The following ZMIZ2 variants were observed in gnomAD, a reference collection of about 807,000 sequenced individuals.
ZMIZ2 encodes the protein zinc finger MIZ-type containing 2.
ZMIZ2 carries 26 observed loss-of-function variants against 93.9 expected under a neutral mutation model. That is an observed-to-expected ratio of 0.28 (90% CI 0.20 to 0.38). ZMIZ2 has a LOEUF of 0.38. Ranked by LOEUF, ZMIZ2 falls within the 10% of genes least tolerant of loss-of-function variation. ZMIZ2 has a pLI of 1.00. For synonymous variants in ZMIZ2, 485 were observed against 516.4 expected (o/e 0.94, Z 0.82); for missense variants, 1,023 against 1,235.0 (o/e 0.83, Z 2.57).
In ZMIZ2 at chr7:44,762,677, C is replaced by T. The variant is rs73329077; in HGVS notation, c.1597-204C>T. Among the ~76,000 whole-genome samples the T allele has an allele frequency of 6.7e-3, 1,015 of 152,326 alleles. 13 individuals are homozygous for T. The highest frequency in any genetic ancestry group is 0.023 in the African/African-American group (960 of 41,560). ...GATGGATACAAGCGTGGGCAGGGCG[C>T]TGAGGCCAGGAAAGGCAGCTGGATG... On this transcript the variant is annotated intron_variant, in intron 11 of 18. Coordinates refer to ENST00000309315, the MANE Select transcript of ZMIZ2 (RefSeq NM_031449.4).
chr7:44,754,066 T>C (rs1790381695), intron 1 of ZMIZ2, among the ~76,000 whole-genome samples: 1 of 152,208 alleles, frequency 6.6e-6, no homozygotes, highest in African/African-American at 2.4e-5. Flanking sequence ...ACAGTTTTGA[T>C]TACCATATCT....
At position 44,765,459 on chromosome 7, in the gene ZMIZ2, C is replaced by T; in HGVS notation, c.2122C>T (p.Pro708Ser). ...ACTGAAGCGCTGCCGCACCGTGAGC[C>T]CCGCCCACGTGCTCATGCCCAGCGT... ...PALKRCRTVS[P>S]AHVLMPSVME... The change falls in exon 16 of 19, where the codon CCC (proline) becomes TCC (serine). Residue 708 changes from proline (P) to serine (S), a missense_variant. By Grantham distance (74) the Pro-to-Ser change is moderately conservative. Coordinates refer to ENST00000309315, the MANE Select transcript of ZMIZ2 (RefSeq NM_031449.4). This position sits in a 1 kb window ranked among gnomAD's most constrained non-coding sequence, Gnocchi z 4.1. 6.2e-7 allele frequency: 1 copy of T among 1,605,856 alleles called. No individual in the cohort carries two copies. Among genetic ancestry groups the T allele is most frequent in the South Asian group, 1.1e-5 (1 of 91,078 alleles).
chr7:44,758,560 G>C (rs1386892064), intron 6 of ZMIZ2, among the ~76,000 whole-genome samples: 1 of 151,844 alleles, frequency 6.6e-6, no homozygotes, highest in African/African-American at 2.4e-5. Flanking sequence ...TGGATCACTT[G>C]AGATCAGGAG....
chr7:44,763,268 TCAG>T lies in ZMIZ2; in HGVS notation c.1720_1722del (p.Ser574del), dbSNP rs1791386952. 6.2e-7 allele frequency: 1 copy of T among 1,613,956 alleles called. No individual in the cohort carries two copies. The highest frequency in any genetic ancestry group is 8.5e-7 in the Non-Finnish European group (1 of 1,179,958). On this transcript the variant is annotated inframe_deletion, in exon 13 of 19. Coordinates refer to ENST00000309315, the MANE Select transcript of ZMIZ2 (RefSeq NM_031449.4). The surrounding 1 kb of genome is among the most constrained non-coding windows in gnomAD (Gnocchi z 5.6). ...TTGTTGATGTCAGTAAAGCGGAACT[TCAG>T]CAGCGGCACCATCCCTGGCACCCCT... is the stretch of plus-strand genomic sequence containing the variant.
intron 3 of ZMIZ2, 163 bp downstream of exon 3, chr7:44,756,702 C>G (rs922049945): frequency 7.5e-6 from 6 of 799,176 alleles, no homozygotes; most frequent in African/African-American, 6.9e-5. Flanking sequence ...TCCCCTAAGT[C>G]TTTGGACACT....
chr7:44,750,597 C>T (rs559637378), intron 1 of ZMIZ2, among the ~76,000 whole-genome samples: 1 of 152,260 alleles, frequency 6.6e-6, no homozygotes, highest in Non-Finnish European at 1.5e-5. Context: ...ACTAGGCAGG[C>T]AGAGAGGTGG....
intron 5 of ZMIZ2, 21 bp downstream of exon 5, chr7:44,757,582 C>T (rs760501576): frequency 6.4e-7 from 1 of 1,569,914 alleles, no homozygotes; most frequent in South Asian, 1.1e-5. Flanking sequence ...TCAGCAGCTC[C>T]TCCCACATGG....
rs1791360119 is a variant in ZMIZ2, at chr7:44,762,981, C to T, written c.1697C>T (p.Thr566Ile). ...CTCCTGCCTGCTGAGCACTGCATCACCAAGAGTGAGTGGCTCCTGCCCCTC... is the reference window on the plus strand; with the variant it reads ...CTCCTGCCTGCTGAGCACTGCATCATCAAGAGTGAGTGGCTCCTGCCCCTC... ...KRLLPAEHCI[T>I]KIKRNFSSGT... The change falls in exon 12 of 19, where the codon ACC (threonine) becomes ATC (isoleucine). Residue 566 changes from threonine to isoleucine, a missense_variant. Physicochemically the swap from Thr to Ile is moderately conservative, Grantham distance 89 (BLOSUM62 -1). Coordinates refer to ENST00000309315, the MANE Select transcript of ZMIZ2 (RefSeq NM_031449.4). 3 of 1,610,832 alleles carry T rather than the reference C, an allele frequency of 1.9e-6. No homozygotes were observed. The highest frequency in any genetic ancestry group is 2.5e-6 in the Non-Finnish European group (3 of 1,177,894).
Position 44,766,132 on chromosome 7 carries a change from C to T in ZMIZ2, c.2243-32C>T, listed in dbSNP as rs779313728. The T allele has an allele frequency of 1.9e-6, 3 of 1,577,698 alleles. No homozygotes were observed. Among genetic ancestry groups the T allele is most frequent in the Non-Finnish European group, 1.7e-6 (2 of 1,164,752 alleles). On this transcript the variant is annotated intron_variant, in intron 16 of 18. Coordinates refer to ENST00000309315, the MANE Select transcript of ZMIZ2 (RefSeq NM_031449.4). The surrounding 1 kb of genome is among the most constrained non-coding windows in gnomAD (Gnocchi z 4.4). ...CTCTGCCAGCGGTGGCCTTCCCCAG[C>T]CCTCACCCAGGCCCCGACTCTCCTC...
Position 44,756,574 on chromosome 7 carries a change from C to G in ZMIZ2, c.165+35C>G, listed in dbSNP as rs369543914. The G allele has an allele frequency of 2.4e-4, 382 of 1,606,214 alleles. 1 individual carries two copies. The East Asian group carries it at 6.3e-3, about 27-fold the overall frequency. ...CACTGGTGCCCCACCCCCGAGCAGA[C>G]AGAGCCTCCCAGCACTTGGCAGTGC... On this transcript the variant is annotated intron_variant, in intron 3 of 18. Coordinates refer to ENST00000309315, the MANE Select transcript of ZMIZ2 (RefSeq NM_031449.4).
rs1049067133 is a variant in ZMIZ2, at chr7:44,762,997, C to T, written c.1702+11C>T. On this transcript the variant is annotated intron_variant, in intron 12 of 18. Coordinates refer to ENST00000309315, the MANE Select transcript of ZMIZ2 (RefSeq NM_031449.4). ...ACTGCATCACCAAGAGTGAGTGGCT[C>T]CTGCCCCTCAGCTGCCAGGCAGCCA... is the stretch of plus-strand genomic sequence containing the variant. 3 of 1,603,038 alleles carry T rather than the reference C, an allele frequency of 1.9e-6. No homozygotes were observed. The East Asian group carries it at 6.7e-5, about 36-fold the overall frequency.
Position 44,765,184 on chromosome 7 carries a change from C to T in ZMIZ2, c.1998-151C>T. On this transcript the variant is annotated intron_variant, in intron 15 of 18. Coordinates refer to ENST00000309315, the MANE Select transcript of ZMIZ2 (RefSeq NM_031449.4). This position sits in a 1 kb window ranked among gnomAD's most constrained non-coding sequence, Gnocchi z 4.1. Reference sequence around the variant, plus strand: ...TCCTACCTGAGTGTTGGTGCTGGGCCCAGCGTCCTGCTCGATGTGGAAGGT... The same window carrying T: ...TCCTACCTGAGTGTTGGTGCTGGGCTCAGCGTCCTGCTCGATGTGGAAGGT... 2 of 1,473,504 alleles carry T rather than the reference C, an allele frequency of 1.4e-6. No individual in the cohort carries two copies. Among genetic ancestry groups the T allele is most frequent in the Non-Finnish European group, 9.2e-7 (1 of 1,087,528 alleles). The allele number at this position is 1,473,504 out of a possible 1,614,324, so 91.3% of individuals were successfully genotyped here. A position where few individuals can be genotyped will look rare whatever the true frequency, so the allele number is the denominator to read the frequency against.
At position 44,768,555 on chromosome 7, in the gene ZMIZ2, C is replaced by T. The variant is rs1016667440; in HGVS notation, c.*932C>T. The stretch of plus-strand genomic sequence containing the variant: ...TAAAGCCACCTCTCTGTCTCCACCC[C>T]ATGGGCCCACACCCAGGTGGGGGAG... On this transcript the variant is annotated 3_prime_UTR_variant, in exon 19 of 19. Coordinates refer to ENST00000309315, the MANE Select transcript of ZMIZ2 (RefSeq NM_031449.4). The T allele has an allele frequency of 2.0e-5, 3 of 152,334 alleles. No individual in the cohort carries two copies. Among genetic ancestry groups the T allele is most frequent in the Non-Finnish European group, 2.9e-5 (2 of 68,116 alleles). The allele number at this position is 152,334 out of a possible 1,614,324, so 9.4% of individuals were successfully genotyped here.
chr7:44,767,229 G>T (rs940548590), intron 18 of ZMIZ2, among the ~76,000 whole-genome samples: 2 of 152,176 alleles, frequency 1.3e-5, no homozygotes, highest in African/African-American at 4.8e-5. Context: ...AGGGAGTGTG[G>T]AGTGGCTGCA....
chr7:44,767,068 A>G (rs1044707614), intron 18 of ZMIZ2, among the ~76,000 whole-genome samples: 1 of 152,314 alleles, frequency 6.6e-6, no homozygotes. Context: ...AACTCATTCT[A>G]GAAGTTCAAC....
Position 44,765,754 on chromosome 7 carries a change from G to T in ZMIZ2, c.2242+175G>T. 4.5e-6 allele frequency: 5 copies of T among 1,105,100 alleles called. No homozygotes were observed. The highest frequency in any genetic ancestry group is 6.3e-6 in the Non-Finnish European group (5 of 796,460). 68.5% of individuals were successfully genotyped at this position (1,105,100 alleles called of 1,614,324 possible). On this transcript the variant is annotated intron_variant, in intron 16 of 18. Coordinates refer to ENST00000309315, the MANE Select transcript of ZMIZ2 (RefSeq NM_031449.4). The surrounding 1 kb of genome is among the most constrained non-coding windows in gnomAD (Gnocchi z 4.1). ...CTCCAGCCCCTCCCATCTCAGGGAC[G>T]TGGCGGTGAAGGCACAGTCTCAGCT...
chr7:44,764,404 C>A lies in ZMIZ2; in HGVS notation c.1861-15C>A. ...CCCACAATGAGAAACTGACTTTCTT[C>A]CCATCTCTCTACAGTGCTTTGACCT... is the stretch of plus-strand genomic sequence containing the variant. On this transcript the variant is annotated splice_polypyrimidine_tract_variant and intron_variant, in intron 13 of 18. Coordinates refer to ENST00000309315, the MANE Select transcript of ZMIZ2 (RefSeq NM_031449.4). 5 of 1,613,704 alleles carry A rather than the reference C, an allele frequency of 3.1e-6. No homozygotes were observed. Among genetic ancestry groups the A allele is most frequent in the Non-Finnish European group, 3.4e-6 (4 of 1,179,758 alleles).
Position 44,761,928 on chromosome 7 carries a change from G to GT in ZMIZ2, c.1596+23_1596+24insT, listed in dbSNP as rs1167734049. The GT allele has an allele frequency of 1.2e-6, 2 of 1,603,538 alleles. No homozygotes were observed. The highest frequency in any genetic ancestry group is 2.2e-5 in the South Asian group (2 of 90,678). On this transcript the variant is annotated intron_variant, in intron 11 of 18. Coordinates refer to ENST00000309315, the MANE Select transcript of ZMIZ2 (RefSeq NM_031449.4). The surrounding 1 kb of genome is among the most constrained non-coding windows in gnomAD (Gnocchi z 5.8). The stretch of plus-strand genomic sequence containing the variant: ...TGCGTGCGTGTCCTGCGCCGAGGGG[G>GT]CGGTGCTGTGGCGTGGGGCGGGGTG...
At chr7:44,760,258 G>A in intron 8 of ZMIZ2, 30 bp downstream of exon 8, 1 of 1,601,098 alleles carries the variant, frequency 6.2e-7, no homozygotes. Context: ...GGATGGGCCG[G>A]GAGGCTCACA....
Sources: gnomAD v4.1 joint callset for allele counts (sites outside exome capture counted in the v4.1 genomes callset) on GRCh38, gnomAD v4.1.1 for gene constraint, Gnocchi (gnomAD v3.1) non-coding constraint, MANE v1.5 for transcripts, NCBI Gene and HGNC (gene_info 2026-07-23, HGNC 2026-07-21) for gene names.